PIK3C2B: variants seen among roughly 807,000 people sequenced by gnomAD.
The protein encoded by PIK3C2B is phosphatidylinositol 4-phosphate 3-kinase C2 domain-containing subunit beta.
A neutral mutation model predicts 184.3 loss-of-function variants in PIK3C2B; 83 were observed. The ratio of observed to expected loss-of-function variants is 0.45; its 90% CI spans 0.38 to 0.54. The LOEUF is 0.54. Ranked by LOEUF, PIK3C2B falls within the 20% of genes least tolerant of loss-of-function variation. The pLI is 0.00. For synonymous variants in PIK3C2B, 779 were observed against 837.6 expected (o/e 0.93, Z 1.21); for missense variants, 1,736 against 2,113.5 (o/e 0.82, Z 3.50).
intron 1 of PIK3C2B, among the ~76,000 whole-genome samples, chr1:204,487,792 A>T (rs964512957): frequency 1.3e-5 from 2 of 152,092 alleles, no homozygotes; most frequent in African/African-American, 4.8e-5. Flanking sequence ...CAATCGATTC[A>T]TATTGAGCTT....
chr1:204,445,526 C>T (rs117267277), intron 16 of PIK3C2B, among the ~76,000 whole-genome samples: 4,351 of 149,328 alleles, frequency 0.029, 151 homozygotes, highest in East Asian at 0.078. Context: ...TGCTTGAGCC[C>T]AGGAGGTCGA....
chr1:204,438,980 T>G lies in PIK3C2B; in HGVS notation c.3471A>C (p.Ala1157=). 6.2e-7 allele frequency: 1 copy of G among 1,614,164 alleles called. No individual in the cohort carries two copies. Among genetic ancestry groups the G allele is most frequent in the Non-Finnish European group, 8.5e-7 (1 of 1,180,044 alleles). Residue 1157 remains alanine (A), a synonymous_variant, in exon 23 of 33, where the codon GCA becomes GCC. Coordinates refer to ENST00000684373, the MANE Select transcript of PIK3C2B (RefSeq NM_001377334.1). ...CAGGGTTGTGTTTCTGCAGCCAGTC[T>G]GCCAGGGGCCGGTCCTTGAACGAGC... The part of the protein sequence containing the change: ...VTGSFKDRPL[A]DWLQKHNPGE...
chr1:204,460,196 T>C (rs1207201381), intron 7 of PIK3C2B, 128 bp downstream of exon 7: 1 of 752,396 alleles, frequency 1.3e-6, no homozygotes, highest in Non-Finnish European at 2.3e-6. Flanking sequence ...TCTGATAAGA[T>C]GTGTGGGCCC....
At chr1:204,483,085 C>G (rs1438831257) in intron 1 of PIK3C2B, among the ~76,000 whole-genome samples, 1 of 152,176 alleles carries the variant, frequency 6.6e-6, no homozygotes, top group Non-Finnish European at 1.5e-5. Context: ...GTGCCTTTCT[C>G]TTCCTCCTGC....
At chr1:204,484,715 C>G (rs1203006071) in intron 1 of PIK3C2B, among the ~76,000 whole-genome samples, 1 of 150,970 alleles carries the variant, frequency 6.6e-6, no homozygotes, top group East Asian at 1.9e-4. Context: ...GCCTGGGCGA[C>G]AAAGCGAGAC....
chr1:204,452,288 C>CTTTTTTTTTT lies in PIK3C2B; in HGVS notation c.2067-2281_2067-2272dup, dbSNP rs71145086. Among the ~76,000 whole-genome samples the CTTTTTTTTTT allele has an allele frequency of 2.8e-4, 20 of 71,078 alleles. 1 individual carries two copies. The highest frequency in any genetic ancestry group is 4.2e-4 in the Non-Finnish European group (17 of 40,860). 46.6% of individuals were successfully genotyped at this position (71,078 alleles called of 152,430 possible). A position where few individuals can be genotyped will look rare whatever the true frequency, so the allele number is the denominator to read the frequency against. ...CTGGGCCAGAACACTGTGCAGCACC[C>CTTTTTTTTTT]TTTTTTTTTTTTTTTTTTTTTTTTT... On this transcript the variant is annotated intron_variant, in intron 12 of 32. Coordinates refer to ENST00000684373, the MANE Select transcript of PIK3C2B (RefSeq NM_001377334.1).
Position 204,433,304 on chromosome 1 carries a change from G to A in PIK3C2B, c.3953+12C>T. The A allele has an allele frequency of 7.1e-7, 1 of 1,402,434 alleles. No individual in the cohort carries two copies. Among genetic ancestry groups the A allele is most frequent in the Non-Finnish European group, 1.0e-6 (1 of 987,836 alleles). The allele number at this position is 1,402,434 out of a possible 1,614,324, so 86.9% of individuals were successfully genotyped here. A position where few individuals can be genotyped will look rare whatever the true frequency, so the allele number is the denominator to read the frequency against. On this transcript the variant is annotated intron_variant, in intron 26 of 32. Transcript: ENST00000684373. The surrounding 1 kb of genome is among the most constrained non-coding windows in gnomAD (Gnocchi z 5.0). The stretch of plus-strand genomic sequence containing the variant: ...GGTGGGCAGTGCTGATTCGCTCAGG[G>A]AATCATTTTACCTAGTGAAGTAGGT...
Position 204,469,794 on chromosome 1 carries a change from C to T in PIK3C2B, c.9G>A (p.Ser3=). 1.2e-6 allele frequency: 2 copies of T among 1,612,400 alleles called. No individual in the cohort carries two copies. Among genetic ancestry groups the T allele is most frequent in the Non-Finnish European group, 1.7e-6 (2 of 1,178,556 alleles). The change falls in exon 2 of 33, where the codon TCG becomes TCA. Residue 3 remains serine (S), a synonymous_variant. Coordinates refer to ENST00000684373, the MANE Select transcript of PIK3C2B (RefSeq NM_001377334.1). ...TCCAGTGTTCCCCATTGCCCTGAGT[C>T]GAAGACATGGTGAGGATGGGGGACA... The part of the protein sequence containing the change: MS[S]TQGNGEHWKS...
In PIK3C2B at chr1:204,433,254, A is replaced by G; in HGVS notation, c.3953+62T>C. Reference sequence around the variant, plus strand: ...CCTTTCCCCAGTCCTCCTCCTGCCAATCCGGCAGGCTGGGAATTACTCAGG... The same window carrying G: ...CCTTTCCCCAGTCCTCCTCCTGCCAGTCCGGCAGGCTGGGAATTACTCAGG... On this transcript the variant is annotated intron_variant, in intron 26 of 32. Transcript: ENST00000684373. This position sits in a 1 kb window ranked among gnomAD's most constrained non-coding sequence, Gnocchi z 5.0. 1 of 922,706 alleles carries G rather than the reference A, an allele frequency of 1.1e-6. No individual in the cohort carries two copies. Among genetic ancestry groups the G allele is most frequent in the South Asian group, 1.4e-5 (1 of 71,558 alleles). The allele number at this position is 922,706 out of a possible 1,614,324, so 57.2% of individuals were successfully genotyped here. A position where few individuals can be genotyped will look rare whatever the true frequency, so the allele number is the denominator to read the frequency against.
Position 204,460,435 on chromosome 1 carries a change from C to T in PIK3C2B, c.1423-32G>A, listed in dbSNP as rs752405730. On this transcript the variant is annotated intron_variant, in intron 6 of 32. Transcript: ENST00000684373. ...AAGAAGTGACCTATTCAGAGAGGGG[C>T]GGTGCCCTTATCTCAGCTCAGCACT... is the stretch of plus-strand genomic sequence containing the variant. The T allele has an allele frequency of 8.3e-5, 131 of 1,586,246 alleles. No homozygotes were observed. The East Asian group carries it at 9.2e-4, about 11-fold the overall frequency.
Position 204,447,356 on chromosome 1 carries a change from C to A in PIK3C2B, c.2489+80G>T. 4.9e-6 allele frequency: 7 copies of A among 1,421,848 alleles called. No individual in the cohort carries two copies. The South Asian group carries it at 8.9e-5, about 18-fold the overall frequency. 88.1% of individuals were successfully genotyped at this position (1,421,848 alleles called of 1,614,324 possible). On this transcript the variant is annotated intron_variant, in intron 15 of 32. Transcript: ENST00000684373. This position sits in a 1 kb window ranked among gnomAD's most constrained non-coding sequence, Gnocchi z 4.1. ...CAATGCCCACCCCTTCCCACCTCCA[C>A]TCCCAAAGCAGGAGGACGGAGACTC... is the stretch of plus-strand genomic sequence containing the variant.
chr1:204,432,533 A>G lies in PIK3C2B; in HGVS notation c.3954-132T>C. 3 of 696,762 alleles carry G rather than the reference A, an allele frequency of 4.3e-6. No homozygotes were observed. The South Asian group carries it at 5.1e-5, about 12-fold the overall frequency. The allele number at this position is 696,762 out of a possible 1,614,324, so 43.2% of individuals were successfully genotyped here. On this transcript the variant is annotated intron_variant, in intron 26 of 32. Transcript: ENST00000684373. ...TCAGATCAAACCATTTTCCTGTGTC[A>G]TATCCTCATAAAGCAAATGACTGGC...
At chr1:204,444,247 T>C in intron 17 of PIK3C2B, 84 bp downstream of exon 17, 1 of 1,437,476 alleles carries the variant, frequency 7.0e-7, no homozygotes, top group African/African-American at 1.4e-5. Context: ...CTGGGATCTC[T>C]GGTTTCTAAG....
At chr1:204,448,864 C>T (rs965922945) in intron 14 of PIK3C2B, among the ~76,000 whole-genome samples, 1 of 152,098 alleles carries the variant, frequency 6.6e-6, no homozygotes, top group Non-Finnish European at 1.5e-5. Context: ...GGACCCAGGT[C>T]AGGTTTGATC....
intron 23 of PIK3C2B, among the ~76,000 whole-genome samples, chr1:204,438,438 A>G (rs1368618071): frequency 1.3e-5 from 2 of 152,136 alleles, no homozygotes; most frequent in Non-Finnish European, 2.9e-5. Context: ...TCTAACCTCA[A>G]TCCTAGCTTT....
chr1:204,460,468 C>G (rs921757685), intron 6 of PIK3C2B, 65 bp from the exon 7 acceptor site: 3 of 1,536,784 alleles, frequency 2.0e-6, no homozygotes, highest in Non-Finnish European at 2.7e-6. Flanking sequence ...ACTCCTACCC[C>G]CCTCCCACCT....
intron 1 of PIK3C2B, among the ~76,000 whole-genome samples, chr1:204,493,260 G>C (rs1558293502): frequency 6.6e-6 from 1 of 152,214 alleles, no homozygotes; most frequent in African/African-American, 2.4e-5. Flanking sequence ...TTTAGAGCAA[G>C]GAGGAGGGGC....
Position 204,457,865 on chromosome 1 carries a change from G to T in PIK3C2B, c.1576C>A (p.Pro526Thr), listed in dbSNP as rs1394879941. Residue 526 changes from proline to threonine, a missense_variant, in exon 9 of 33, where the codon CCA becomes ACA. This residue lies in a region of PIK3C2B where 609 missense variants were observed against 699.2 expected (regional missense o/e 0.87). Coordinates refer to ENST00000684373, the MANE Select transcript of PIK3C2B (RefSeq NM_001377334.1). ...DAFLLADGDF[P>T]LKADRVVQSV... ...TGGACCACCCTGTCAGCCTTCAGTG[G>T]GAAGTCTCCCTGTGGGAGGTGGCAC... is the stretch of plus-strand genomic sequence containing the variant. The T allele has an allele frequency of 6.2e-7, 1 of 1,612,710 alleles. No individual in the cohort carries two copies.
chr1:204,449,409 C>T, intron 13 of PIK3C2B, 113 bp from the exon 14 acceptor site: 1 of 759,378 alleles, frequency 1.3e-6, no homozygotes, highest in Non-Finnish European at 2.2e-6. Context: ...CATCCAACTC[C>T]CCTCTCATTC....
Sources: allele counts gnomAD v4.1 joint callset (sites outside exome capture counted in the v4.1 genomes callset), GRCh38; gene constraint gnomAD v4.1.1; regional missense constraint gnomAD v4.1.1; non-coding constraint Gnocchi (gnomAD v3.1); transcripts MANE v1.5; gene names NCBI Gene and HGNC (gene_info 2026-07-23, HGNC 2026-07-21).